Variants in CENPI observed in about 807,000 individuals in gnomAD.
The protein encoded by CENPI is centromere protein I, also known as FSH primary response 1.
Under a neutral mutation model 60.4 loss-of-function variants are expected in CENPI, and 4 were observed. That is an observed-to-expected ratio of 0.07 (90% CI 0.03 to 0.15). CENPI has a LOEUF of 0.15. Ranked by LOEUF, CENPI falls within the 10% of genes least tolerant of loss-of-function variation. CENPI has a pLI of 1.00. For missense variants in CENPI, 444 were observed against 534.5 expected, an observed-to-expected ratio of 0.83 and a Z score of 1.67; for synonymous variants, 157 against 189.4, an observed-to-expected ratio of 0.83 and a Z score of 1.40.
chrX:101,148,060 C>T lies in CENPI; in HGVS notation c.1993C>T (p.Pro665Ser). 2 of 1,175,294 alleles carry T rather than the reference C, an allele frequency of 1.7e-6. No homozygotes were observed. The highest frequency in any genetic ancestry group is 2.4e-4 in the Middle Eastern group (1 of 4,156). ...CTTTGGGAAAGGAATATATATTGAC[C>T]CTGAAATCCTAGAAAAAACTGGAGT... ...KPFGKGIYID[P>S]EILEKTGVAE... Residue 665 changes from proline to serine, a missense_variant, in exon 20 of 22, where the codon CCT (proline) becomes TCT (serine). Pro to Ser is a moderately conservative substitution (Grantham distance 74, BLOSUM62 -1). Transcript: ENST00000682095.
intron 20 of CENPI, among the ~76,000 whole-genome samples, chrX:101,153,976 G>A (rs766250906): frequency 3.8e-4 from 42 of 111,576 alleles, no homozygotes; most frequent in African/African-American, 1.3e-3. Flanking sequence ...TTGTGTGTGT[G>A]AGTACACAAA....
At position 101,162,825 on chromosome X, in the gene CENPI, G is replaced by C. The variant is rs1257446812; in HGVS notation, c.2137-8G>C. On this transcript the variant is annotated splice_polypyrimidine_tract_variant and splice_region_variant and intron_variant, in intron 21 of 21. Transcript: ENST00000682095. Reference sequence around the variant, plus strand: ...CGATAAGTAATTTTCCTTTTTCTGTGCCTGCAGGGAAAGAAATGGAGCTGG... The same window carrying C: ...CGATAAGTAATTTTCCTTTTTCTGTCCCTGCAGGGAAAGAAATGGAGCTGG... 5.0e-6 allele frequency: 6 copies of C among 1,206,935 alleles called. No homozygotes were observed. The highest frequency in any genetic ancestry group is 5.6e-6 in the Non-Finnish European group (5 of 893,447).
intron 20 of CENPI, among the ~76,000 whole-genome samples, chrX:101,150,773 T>C (rs2090000421): frequency 1.8e-5 from 2 of 111,385 alleles, no homozygotes; most frequent in Admixed American, 1.9e-4. Context: ...TCTTTTACCA[T>C]CTTCTGCCTT....
At chrX:101,158,431 CCA>C (rs751046697) in intron 20 of CENPI, among the ~76,000 whole-genome samples, 41 of 108,845 alleles carry the variant, frequency 3.8e-4, no homozygotes, top group African/African-American at 1.3e-3. Context: ...GCACGTACCA[CCA>C]CGCCTGGCTA....
chrX:101,131,550 A>G, intron 13 of CENPI, among the ~76,000 whole-genome samples: 1 of 111,912 alleles, frequency 8.9e-6, no homozygotes, highest in Middle Eastern at 4.6e-3. Context: ...TCTAGAGCTC[A>G]GGAATGAGAT....
intron 8 of CENPI, among the ~76,000 whole-genome samples, chrX:101,121,022 C>T (rs1324486089): frequency 2.7e-5 from 3 of 109,405 alleles, no homozygotes; most frequent in African/African-American, 1.0e-4. Context: ...ATTATAGGCA[C>T]GCGTCACCAC....
At chrX:101,102,855 A>T (rs866959094) in intron 4 of CENPI, among the ~76,000 whole-genome samples, 26 of 81,434 alleles carry the variant, frequency 3.2e-4, no homozygotes, top group Admixed American at 4.4e-4. Context: ...AATTTTTTGT[A>T]TTTTTTTTTT....
intron 15 of CENPI, 69 bp downstream of exon 15, chrX:101,132,525 A>G: frequency 1.1e-6 from 1 of 903,770 alleles, no homozygotes; most frequent in Non-Finnish European, 1.6e-6. Context: ...ACACAATTCC[A>G]AACTGATATT....
At chrX:101,118,803 A>G (rs1322753592) in intron 6 of CENPI, among the ~76,000 whole-genome samples, 1 of 102,203 alleles carries the variant, frequency 9.8e-6, no homozygotes, top group Non-Finnish European at 2.1e-5. Context: ...TAAGCATATG[A>G]CATAACACAT....
At chrX:101,099,426 T>C (rs1379606909) in intron 2 of CENPI, among the ~76,000 whole-genome samples, 1 of 85,366 alleles carries the variant, frequency 1.2e-5, no homozygotes, top group African/African-American at 4.5e-5. Flanking sequence ...AGAGTGAGAC[T>C]GTCTCAAAAA....
chrX:101,122,613 CA>C (rs1221242516), intron 8 of CENPI, among the ~76,000 whole-genome samples: 2 of 111,516 alleles, frequency 1.8e-5, no homozygotes, highest in Admixed American at 1.9e-4. Context: ...TGCAGTGGCT[CA>C]CACCTGTAAT....
At chrX:101,178,398 C>CTT in the CENPI span, among the ~76,000 whole-genome samples, 204 of 39,968 alleles carry the variant, frequency 5.1e-3, 2 homozygotes, top group Non-Finnish European at 7.3e-3. Context: ...TTTTCTTCTT[C>CTT]TTTTTTTTTT....
chrX:101,156,505 A>G (rs1263658645), intron 20 of CENPI, among the ~76,000 whole-genome samples: 1 of 111,372 alleles, frequency 9.0e-6, no homozygotes, highest in African/African-American at 3.3e-5. Flanking sequence ...ATTATTTTCA[A>G]TGTTTTATTT....
At chrX:101,116,608 T>C (rs2089626146) in intron 6 of CENPI, among the ~76,000 whole-genome samples, 1 of 112,030 alleles carries the variant, frequency 8.9e-6, no homozygotes, top group African/African-American at 3.2e-5. Flanking sequence ...TGTTCTCACT[T>C]TTTGGCTATT....
downstream of CENPI, among the ~76,000 whole-genome samples, chrX:101,167,467 T>A (rs1040695142): frequency 2.7e-5 from 3 of 111,933 alleles, no homozygotes; most frequent in Non-Finnish European, 5.6e-5. Flanking sequence ...TTTTTAAAAA[T>A]TAACCTTTAA....
chrX:101,160,362 T>TTC (rs2090095984), intron 20 of CENPI, among the ~76,000 whole-genome samples: 1 of 105,819 alleles, frequency 9.5e-6, no homozygotes, highest in Non-Finnish European at 1.9e-5. Flanking sequence ...CCCAGCACCC[T>TTC]TAGCTTTTAG....
downstream of CENPI, among the ~76,000 whole-genome samples, chrX:101,168,561 A>AAAAACAAAAC (rs770159793): frequency 4.5e-5 from 5 of 111,726 alleles, no homozygotes; most frequent in Non-Finnish European, 7.5e-5. Context: ...CAAGACTCTG[A>AAAAACAAAAC]AAAACAAAAC....
intron 6 of CENPI, 55 bp from the exon 7 acceptor site, chrX:101,120,347 C>T: frequency 3.6e-6 from 2 of 552,623 alleles, no homozygotes; most frequent in South Asian, 2.9e-5. Flanking sequence ...AATGTGTTGC[C>T]CCTCTGTTCA....
At chrX:101,167,249 C>G (rs1406829742), downstream of CENPI, among the ~76,000 whole-genome samples, 1 of 111,603 alleles carries the variant, frequency 9.0e-6, no homozygotes, top group African/African-American at 3.3e-5. Flanking sequence ...TTGCTTGAGC[C>G]TTTTTGGACA....
Sources: allele counts gnomAD v4.1 joint callset (sites outside exome capture counted in the v4.1 genomes callset), GRCh38; gene constraint gnomAD v4.1.1; transcripts MANE v1.5; gene names NCBI Gene and HGNC (gene_info 2026-07-23, HGNC 2026-07-21).